The following THRAP3 variants were observed in gnomAD, a reference collection of about 807,000 sequenced individuals.
The protein encoded by THRAP3 is thyroid hormone receptor-associated protein 3.
A neutral mutation model predicts 101.0 loss-of-function variants in THRAP3; 16 were observed. The observed-to-expected ratio is 0.16, with a 90% CI of 0.11 to 0.24. The LOEUF is 0.24. Ranked by LOEUF, THRAP3 falls within the 10% of genes least tolerant of loss-of-function variation. THRAP3 has a pLI of 1.00. For synonymous variants in THRAP3, 407 were observed against 422.6 expected (o/e 0.96, Z 0.45); for missense variants, 989 against 1,202.7 (o/e 0.82, Z 2.63).
intron 1 of THRAP3, among the ~76,000 whole-genome samples, chr1:36,246,765 C>T (rs1387691353): frequency 1.3e-5 from 2 of 151,710 alleles, no homozygotes; most frequent in African/African-American, 4.8e-5. Flanking sequence ...TGGCGTGAAC[C>T]CAGGAGGCGG....
chr1:36,216,103 G>A, the THRAP3 span, among the ~76,000 whole-genome samples: 1 of 152,052 alleles, frequency 6.6e-6, no homozygotes, highest in Non-Finnish European at 1.5e-5. Flanking sequence ...AATAGGCTGG[G>A]CACAGTGGCT....
intron 1 of THRAP3, among the ~76,000 whole-genome samples, chr1:36,251,243 A>G (rs1368690411): frequency 6.6e-6 from 1 of 152,166 alleles, no homozygotes; most frequent in African/African-American, 2.4e-5. Context: ...GTAGCTTATA[A>G]AAGTTTTGTA....
rs559755698 is a variant in THRAP3, at chr1:36,268,900, A to G, written c.-32+9416A>G. On this transcript the variant is annotated intron_variant, in intron 2 of 11. Coordinates refer to ENST00000354618, the MANE Select transcript of THRAP3 (RefSeq NM_005119.4). ...GCCACCACGCCCAGCTAATTTTTCT[A>G]TTTTTAGTAGAGATGGGGTTTCACC... is the stretch of plus-strand genomic sequence containing the variant. Among the ~76,000 whole-genome samples, 6 of 152,096 alleles carry G rather than the reference A, an allele frequency of 3.9e-5. No individual in the cohort carries two copies. The East Asian group carries it at 9.7e-4, about 24-fold the overall frequency.
chr1:36,262,068 T>C (rs1645453169), intron 2 of THRAP3, among the ~76,000 whole-genome samples: 1 of 152,208 alleles, frequency 6.6e-6, no homozygotes, highest in African/African-American at 2.4e-5. Context: ...TTAATACATT[T>C]TAGTAGTCAC....
At chr1:36,218,772 C>T in the THRAP3 span, among the ~76,000 whole-genome samples, 2 of 151,056 alleles carry the variant, frequency 1.3e-5, no homozygotes, top group Non-Finnish European at 2.9e-5. Flanking sequence ...TGGTGGCTCA[C>T]GTCTGTAATC....
chr1:36,291,126 G>T (rs1335343775), intron 5 of THRAP3, among the ~76,000 whole-genome samples: 1 of 152,194 alleles, frequency 6.6e-6, no homozygotes, highest in Non-Finnish European at 1.5e-5. Context: ...TTTGTTGGGT[G>T]TGTTAAAACC....
At chr1:36,295,082 G>T (rs1645927722) in intron 8 of THRAP3, among the ~76,000 whole-genome samples, 1 of 152,176 alleles carries the variant, frequency 6.6e-6, no homozygotes, top group South Asian at 2.1e-4. Context: ...AATTAGCCGG[G>T]TGTGGTAGTG....
At chr1:36,228,708 T>A (rs1476858277) in intron 1 of THRAP3, among the ~76,000 whole-genome samples, 1 of 152,214 alleles carries the variant, frequency 6.6e-6, no homozygotes, top group African/African-American at 2.4e-5. Context: ...AGGGAGCCCA[T>A]GAACTCTGTA....
chr1:36,299,492 C>CT (rs762518758), intron 9 of THRAP3, among the ~76,000 whole-genome samples: 100 of 146,732 alleles, frequency 6.8e-4, no homozygotes, highest in East Asian at 1.6e-3. Flanking sequence ...TTTTGAGAGT[C>CT]TTTTTTTTTT....
chr1:36,291,896 C>T (rs944746739), intron 6 of THRAP3, among the ~76,000 whole-genome samples: 3 of 152,094 alleles, frequency 2.0e-5, no homozygotes, highest in Non-Finnish European at 4.4e-5. Flanking sequence ...GAATTTCTTC[C>T]CCAAAGTATT....
chr1:36,304,402 A>C lies in THRAP3; in HGVS notation c.*385A>C. 1 of 215,018 alleles carries C rather than the reference A, an allele frequency of 4.7e-6. No homozygotes were observed. Among genetic ancestry groups the C allele is most frequent in the African/African-American group, 2.5e-5 (1 of 40,004 alleles). 13.3% of individuals were successfully genotyped at this position (215,018 alleles called of 1,614,324 possible). On this transcript the variant is annotated 3_prime_UTR_variant, in exon 12 of 12. Transcript: ENST00000354618. ...TGGAGCTAAGATGACTAATTTGATG[A>C]TTTTCGATCTCTTTTCCCCTGTCCT... is the stretch of plus-strand genomic sequence containing the variant.
chr1:36,219,390 A>G, the THRAP3 span, among the ~76,000 whole-genome samples: 1 of 152,166 alleles, frequency 6.6e-6, no homozygotes, highest in Non-Finnish European at 1.5e-5. Flanking sequence ...AAAATAATTG[A>G]TGAAGGTGGC....
intron 5 of THRAP3, 60 bp downstream of exon 5, chr1:36,289,824 C>CT: frequency 6.6e-7 from 1 of 1,524,074 alleles, no homozygotes; most frequent in South Asian, 1.3e-5. Flanking sequence ...GTCGCCTAGC[C>CT]TTTCTCCCTG....
intron 9 of THRAP3, among the ~76,000 whole-genome samples, chr1:36,297,265 A>G (rs1305611491): frequency 1.3e-5 from 2 of 152,194 alleles, no homozygotes; most frequent in Admixed American, 6.5e-5. Context: ...CCTTAAACAA[A>G]GGTGGCATTG....
chr1:36,280,230 A>G (rs1645713988), intron 2 of THRAP3, among the ~76,000 whole-genome samples: 1 of 152,218 alleles, frequency 6.6e-6, no homozygotes, highest in South Asian at 2.1e-4. Flanking sequence ...AAACGGGATT[A>G]AAAATGCCCT....
intron 1 of THRAP3, among the ~76,000 whole-genome samples, chr1:36,230,877 C>G (rs1645020438): frequency 6.6e-6 from 1 of 152,098 alleles, no homozygotes; most frequent in Non-Finnish European, 1.5e-5. Flanking sequence ...ATTCAGGCTG[C>G]TTTTGAAAAA....
intron 1 of THRAP3, among the ~76,000 whole-genome samples, chr1:36,233,884 C>T (rs1275732979): frequency 1.3e-5 from 2 of 152,174 alleles, no homozygotes; most frequent in East Asian, 1.9e-4. Flanking sequence ...TCTGAGTTGT[C>T]CTCCTCCTTC....
In THRAP3 at chr1:36,286,284, G is replaced by T; in HGVS notation, c.138-84G>T. 10 of 1,373,774 alleles carry T rather than the reference G, an allele frequency of 7.3e-6. No individual in the cohort carries two copies. Among genetic ancestry groups the T allele is most frequent in the Non-Finnish European group, 8.9e-6 (9 of 1,006,394 alleles). 85.1% of individuals were successfully genotyped at this position (1,373,774 alleles called of 1,614,324 possible). On this transcript the variant is annotated intron_variant, in intron 3 of 11. Transcript: ENST00000354618. The surrounding 1 kb of genome is among the most constrained non-coding windows in gnomAD (Gnocchi z 5.5). ...AACTGAAAGTGAATGACACATAAGG[G>T]CAGGGATTTCAGAACAGATTTTTCT...
At chr1:36,253,779 T>TTTTTTA (rs1553194133) in intron 1 of THRAP3, among the ~76,000 whole-genome samples, 1 of 139,568 alleles carries the variant, frequency 7.2e-6, no homozygotes, top group East Asian at 2.1e-4. Context: ...TTTTTTTTTT[T>TTTTTTA]AGTTTTTGTA....
Sources: gnomAD v4.1 joint callset for allele counts (sites outside exome capture counted in the v4.1 genomes callset) on GRCh38, gnomAD v4.1.1 for gene constraint, Gnocchi (gnomAD v3.1) non-coding constraint, MANE v1.5 for transcripts, NCBI Gene and HGNC (gene_info 2026-07-23, HGNC 2026-07-21) for gene names.